ST3GAL4: variants seen among roughly 807,000 people sequenced by gnomAD.
ST3GAL4 encodes the protein ST3 beta-galactoside alpha-2,3-sialyltransferase 4.
ST3GAL4 carries 24 observed loss-of-function variants against 42.6 expected under a neutral mutation model. That is an observed-to-expected ratio of 0.56 (90% confidence interval 0.41 to 0.79). The LOEUF (loss-of-function observed/expected upper bound fraction) is 0.79, where lower values mean the gene tolerates loss of function less well. ST3GAL4 is among the 30% of genes least tolerant of loss of function. The pLI, the probability that ST3GAL4 is intolerant of heterozygous loss-of-function variation, is 0.00. For missense variants in ST3GAL4, 311 were observed against 430.8 expected, an observed-to-expected ratio of 0.72 and a Z score of 2.46; for synonymous variants, 135 against 163.2, an observed-to-expected ratio of 0.83 and a Z score of 1.32.
At chr11:126,399,662 A>G (rs932713411) in intron 1 of ST3GAL4, among the ~76,000 whole-genome samples, 2 of 152,118 alleles carry the variant, frequency 1.3e-5, no homozygotes, top group African/African-American at 4.8e-5. Flanking sequence ...CAAGTTTTAC[A>G]GTATACAGTT....
chr11:126,371,083 T>TA (rs1952621736), intron 1 of ST3GAL4, among the ~76,000 whole-genome samples: 2 of 151,774 alleles, frequency 1.3e-5, no homozygotes, highest in Admixed American at 1.3e-4. Context: ...ATTAGATATT[T>TA]TTTCCTTTAA....
chr11:126,364,475 C>G (rs1334466322), intron 1 of ST3GAL4, among the ~76,000 whole-genome samples: 4 of 141,894 alleles, frequency 2.8e-5, no homozygotes, highest in Non-Finnish European at 6.1e-5. Context: ...GCTTTGTCTT[C>G]TTTTCTTTGG....
rs905919834 is a variant in ST3GAL4 at position 126,397,466 on chromosome 11, T to G, written c.-60-8630T>G. Among the ~76,000 whole-genome samples, 3 of 151,144 alleles carry G rather than the reference T, an allele frequency of 2.0e-5. No individual in the cohort carries two copies. The highest frequency in any genetic ancestry group is 4.4e-5 in the Non-Finnish European group (3 of 67,990). Reference sequence around the variant, plus strand: ...TTTTGTTACCTCTAAGTGCTGAAATTAAGGTATAAACAACGTCTCATGGGA... The same window carrying G: ...TTTTGTTACCTCTAAGTGCTGAAATGAAGGTATAAACAACGTCTCATGGGA... On this transcript the variant is annotated intron_variant, in intron 1 of 10. Coordinates refer to ENST00000444328, the MANE Select transcript of ST3GAL4 (RefSeq NM_001254757.2). The surrounding 1 kb of genome is among the most constrained non-coding windows in gnomAD (Gnocchi z 5.0).
At chr11:126,401,113 T>C (rs1953971995) in intron 1 of ST3GAL4, among the ~76,000 whole-genome samples, 2 of 151,990 alleles carry the variant, frequency 1.3e-5, no homozygotes, top group African/African-American at 4.8e-5. Flanking sequence ...AAATTAGAAA[T>C]ACTAGGATGG....
chr11:126,358,237 G>T (rs1242540445), intron 1 of ST3GAL4, among the ~76,000 whole-genome samples: 2 of 152,260 alleles, frequency 1.3e-5, no homozygotes, highest in Non-Finnish European at 2.9e-5. Flanking sequence ...CCCTGCAACA[G>T]GCCCCTGCTG....
chr11:126,385,980 C>A (rs1040309039), intron 1 of ST3GAL4, among the ~76,000 whole-genome samples: 2 of 152,182 alleles, frequency 1.3e-5, no homozygotes, highest in African/African-American at 4.8e-5. Flanking sequence ...CGTGGCCTCC[C>A]TGGCACCCCC....
rs1952830381 is a variant in ST3GAL4, at chr11:126,376,247, A to G, written c.-61+20405A>G. 6.6e-6 allele frequency among the ~76,000 whole-genome samples: 1 copy of G among 152,244 alleles called. No homozygotes were observed. Among genetic ancestry groups the G allele is most frequent in the Non-Finnish European group, 1.5e-5 (1 of 68,040 alleles). ...GTGGGCAATATTTGAAAGCCAGTAA[A>G]TATAAAATAAAATATATTACCTGTG... On this transcript the variant is annotated intron_variant, in intron 1 of 10. Transcript: ENST00000444328. This position sits in a 1 kb window ranked among gnomAD's most constrained non-coding sequence, Gnocchi z 5.1.
At position 126,384,964 on chromosome 11, in the gene ST3GAL4, G is replaced by A; in HGVS notation, c.-60-21132G>A. Reference sequence around the variant, plus strand: ...TGTGCCTGGGAAGGGAGGACCAGGTGTCGCTGGCACCTTCCACGTCCTGAG... The same window carrying A: ...TGTGCCTGGGAAGGGAGGACCAGGTATCGCTGGCACCTTCCACGTCCTGAG... On this transcript the variant is annotated intron_variant, in intron 1 of 10. Coordinates refer to ENST00000444328, the MANE Select transcript of ST3GAL4 (RefSeq NM_001254757.2). The surrounding 1 kb of genome is among the most constrained non-coding windows in gnomAD (Gnocchi z 5.5). 1 of 964,972 alleles carries A rather than the reference G, an allele frequency of 1.0e-6. No individual in the cohort carries two copies. Among genetic ancestry groups the A allele is most frequent in the Non-Finnish European group, 1.2e-6 (1 of 811,224 alleles). 59.8% of individuals were successfully genotyped at this position (964,972 alleles called of 1,614,324 possible).
chr11:126,390,866 G>C (rs1214366150), intron 1 of ST3GAL4, among the ~76,000 whole-genome samples: 1 of 150,384 alleles, frequency 6.6e-6, no homozygotes, highest in East Asian at 1.9e-4. Flanking sequence ...CCCAGCCCTT[G>C]GCAGCCACCA....
intron 1 of ST3GAL4, among the ~76,000 whole-genome samples, chr11:126,389,004 G>A (rs1953362552): frequency 6.6e-6 from 1 of 151,786 alleles, no homozygotes; most frequent in African/African-American, 2.4e-5. Context: ...TCTCGAACTC[G>A]TGACCTCAGG....
In ST3GAL4 at chr11:126,384,178, A is replaced by C. The variant is rs1164968438; in HGVS notation, c.-60-21918A>C. The stretch of plus-strand genomic sequence containing the variant: ...GCACAGTTCCAGAAACTTGTTCATC[A>C]AGTGCCAGGCTGACCATGGTGTCCG... On this transcript the variant is annotated intron_variant, in intron 1 of 10. Transcript: ENST00000444328. This position sits in a 1 kb window ranked among gnomAD's most constrained non-coding sequence, Gnocchi z 5.5. Among the ~76,000 whole-genome samples, 3 of 152,166 alleles carry C rather than the reference A, an allele frequency of 2.0e-5. No homozygotes were observed. Among genetic ancestry groups the C allele is most frequent in the Non-Finnish European group, 4.4e-5 (3 of 68,024 alleles).
At chr11:126,412,567 C>T (rs1954577612) in intron 9 of ST3GAL4, among the ~76,000 whole-genome samples, 1 of 152,152 alleles carries the variant, frequency 6.6e-6, no homozygotes, top group African/African-American at 2.4e-5. Context: ...AGAGGGCAGC[C>T]ACCATGGCTC....
intron 1 of ST3GAL4, among the ~76,000 whole-genome samples, chr11:126,380,063 A>G (rs1392776317): frequency 6.6e-6 from 1 of 151,770 alleles, no homozygotes; most frequent in Non-Finnish European, 1.5e-5. Flanking sequence ...GGAGTTTGAG[A>G]CCATCCTGGC....
At chr11:126,388,767 CTTTTTTTTTT>C (rs10683946) in intron 1 of ST3GAL4, among the ~76,000 whole-genome samples, 4 of 52,056 alleles carry the variant, frequency 7.7e-5, no homozygotes, top group African/African-American at 9.1e-5. Context: ...TTTTCAGTGT[CTTTTTTTTTT>C]TTTTTTTTTT....
rs934042600 is a variant in ST3GAL4, at chr11:126,379,914, G to A, written c.-61+24072G>A. The stretch of plus-strand genomic sequence containing the variant: ...GGTGAGAATAGTAACTGAAACTGGT[G>A]TAGTGTCTTTCAATGGGGCTCAAGG... On this transcript the variant is annotated intron_variant, in intron 1 of 10. Coordinates refer to ENST00000444328, the MANE Select transcript of ST3GAL4 (RefSeq NM_001254757.2). This position sits in a 1 kb window ranked among gnomAD's most constrained non-coding sequence, Gnocchi z 4.2. Among the ~76,000 whole-genome samples the A allele has an allele frequency of 2.0e-5, 3 of 152,180 alleles. No homozygotes were observed. Among genetic ancestry groups the A allele is most frequent in the Non-Finnish European group, 4.4e-5 (3 of 68,032 alleles).
Position 126,407,591 on chromosome 11 carries a change from G to A in ST3GAL4, c.298G>A (p.Val100Met). 1 of 1,614,128 alleles carries A rather than the reference G, an allele frequency of 6.2e-7. No homozygotes were observed. Among genetic ancestry groups the A allele is most frequent in the Non-Finnish European group, 8.5e-7 (1 of 1,180,020 alleles). ...TTTTGTAGAGGATCTGCTCCTCCGG[G>A]TGCTAGCCATCACCAGCTCCTCCAT... ...TKGSEDLLLR[V>M]LAITSSSIPK... Residue 100 changes from valine to methionine, a missense_variant, in exon 6 of 11, where the codon GTG becomes ATG. By Grantham distance (21) the Val-to-Met change is conservative (BLOSUM62 1). Transcript: ENST00000444328.
chr11:126,413,908 G>T, intron 10 of ST3GAL4, 53 bp from the exon 11 acceptor site: 1 of 1,602,064 alleles, frequency 6.2e-7, no homozygotes. Flanking sequence ...CTTTCCTGGG[G>T]ACAGAGAGGT....
At chr11:126,356,233 C>G (rs1952057781) in intron 1 of ST3GAL4, 1 of 152,314 alleles carries the variant, frequency 6.6e-6, no homozygotes, top group African/African-American at 2.4e-5. Context: ...GCTGACTGTG[C>G]TGGAGGTGAC....
In ST3GAL4 at chr11:126,406,715, G is replaced by A. The variant is rs955846170; in HGVS notation, c.101+158G>A. 5 of 1,019,418 alleles carry A rather than the reference G, an allele frequency of 4.9e-6. No individual in the cohort carries two copies. Among genetic ancestry groups the A allele is most frequent in the African/African-American group, 3.2e-5 (2 of 62,080 alleles). 63.1% of individuals were successfully genotyped at this position (1,019,418 alleles called of 1,614,324 possible). A position where few individuals can be genotyped will look rare whatever the true frequency, so the allele number is the denominator to read the frequency against. On this transcript the variant is annotated intron_variant, in intron 3 of 10. Coordinates refer to ENST00000444328, the MANE Select transcript of ST3GAL4 (RefSeq NM_001254757.2). The surrounding 1 kb of genome is among the most constrained non-coding windows in gnomAD (Gnocchi z 5.4). ...GCTGGTACGGAGTGTTTCCATGAGGGTGGGTGGGGGTAGGGCCTGGGATGT... is the reference window on the plus strand; with the variant it reads ...GCTGGTACGGAGTGTTTCCATGAGGATGGGTGGGGGTAGGGCCTGGGATGT...
Sources: gnomAD v4.1 joint callset for allele counts (sites outside exome capture counted in the v4.1 genomes callset) on GRCh38, gnomAD v4.1.1 for gene constraint, Gnocchi (gnomAD v3.1) non-coding constraint, MANE v1.5 for transcripts, NCBI Gene and HGNC (gene_info 2026-07-23, HGNC 2026-07-21) for gene names.